RBFOX1: variants seen among roughly 807,000 people sequenced by gnomAD.
RBFOX1 encodes the protein RNA binding fox-1 homolog 1.
In RBFOX1, 8 loss-of-function variants were observed where a neutral mutation model predicts 57.7. The ratio of observed to expected loss-of-function variants is 0.14; its 90% CI spans 0.08 to 0.25. RBFOX1 has a LOEUF of 0.25. Among genes scored for constraint, RBFOX1 ranks in the 10% least tolerant of loss-of-function variants. The pLI is 1.00. For synonymous variants in RBFOX1, 326 were observed against 222.4 expected (o/e 1.47, Z -4.15); for missense variants, 611 against 548.5 (o/e 1.11, Z -1.14).
At chr16:7,195,507 T>G (rs1421901403) in intron 4 of RBFOX1, among the ~76,000 whole-genome samples, 1 of 152,172 alleles carries the variant, frequency 6.6e-6, no homozygotes, top group Non-Finnish European at 1.5e-5. Context: ...GAAAGACTGT[T>G]TGAGGACCTA....
chr16:5,643,022 C>T (rs1306165311), intron 3 of RBFOX1, among the ~76,000 whole-genome samples: 1 of 152,184 alleles, frequency 6.6e-6, no homozygotes, highest in Non-Finnish European at 1.5e-5. Context: ...TGCAGCAGGT[C>T]AGAAGTTTAT....
intron 3 of RBFOX1, among the ~76,000 whole-genome samples, chr16:6,721,185 A>G (rs1019246607): frequency 3.9e-5 from 6 of 152,168 alleles, no homozygotes; most frequent in Admixed American, 1.3e-4. Context: ...GCTCACTCCT[A>G]TAATCCCAGT....
At chr16:5,861,913 C>T (rs1263171860) in intron 3 of RBFOX1, among the ~76,000 whole-genome samples, 1 of 152,148 alleles carries the variant, frequency 6.6e-6, no homozygotes, top group Non-Finnish European at 1.5e-5. Flanking sequence ...CTTCTGGTTG[C>T]TGCCTGTGGG....
intron 1 of RBFOX1, among the ~76,000 whole-genome samples, chr16:6,079,450 C>G (rs578012026): frequency 3.9e-5 from 6 of 152,270 alleles, no homozygotes; most frequent in African/African-American, 1.4e-4. Context: ...TAGCTGGGAC[C>G]ACATGTGTGT....
intron 4 of RBFOX1, among the ~76,000 whole-genome samples, chr16:7,362,008 T>A (rs2097333095): frequency 6.6e-6 from 1 of 151,814 alleles, no homozygotes. Flanking sequence ...TGTGTATGAT[T>A]ATGTATATAT....
chr16:7,382,913 A>G (rs933913947), intron 4 of RBFOX1, among the ~76,000 whole-genome samples: 22 of 152,230 alleles, frequency 1.4e-4, no homozygotes, highest in African/African-American at 3.9e-4. Flanking sequence ...TTTAGTTTAG[A>G]TATTTGCCTT....
chr16:6,650,146 C>T (rs889756021), intron 2 of RBFOX1, among the ~76,000 whole-genome samples: 7 of 152,176 alleles, frequency 4.6e-5, no homozygotes, highest in Admixed American at 2.6e-4. Flanking sequence ...AGCCTCCACA[C>T]CGTTTTTTGT....
At chr16:5,769,118 G>C (rs1442744515) in intron 3 of RBFOX1, among the ~76,000 whole-genome samples, 1 of 152,112 alleles carries the variant, frequency 6.6e-6, no homozygotes, top group Non-Finnish European at 1.5e-5. Flanking sequence ...ATAGGATATG[G>C]AAGAGAGGTG....
At chr16:7,015,142 T>G (rs2093844687) in intron 3 of RBFOX1, among the ~76,000 whole-genome samples, 1 of 152,208 alleles carries the variant, frequency 6.6e-6, no homozygotes, top group Admixed American at 6.5e-5. Context: ...TGTTCTCTTT[T>G]TCCTTTCTTC....
At chr16:6,732,155 A>G (rs932015616) in intron 3 of RBFOX1, among the ~76,000 whole-genome samples, 3 of 152,046 alleles carry the variant, frequency 2.0e-5, no homozygotes, top group Admixed American at 6.6e-5. Flanking sequence ...TCCCCTATAC[A>G]TCTGATCCCT....
At chr16:5,737,702 G>T (rs1219507625) in intron 3 of RBFOX1, among the ~76,000 whole-genome samples, 2 of 151,966 alleles carry the variant, frequency 1.3e-5, no homozygotes, top group African/African-American at 4.8e-5. Context: ...CCCTTCTACA[G>T]AGCTCAAGAT....
At chr16:5,930,408 G>T (rs1479678242) in intron 4 of RBFOX1, among the ~76,000 whole-genome samples, 4 of 124,898 alleles carry the variant, frequency 3.2e-5, no homozygotes, top group Non-Finnish European at 6.7e-5. Flanking sequence ...TTGGGTAGGT[G>T]GGAGGGTGGA....
chr16:5,399,680 G>T (rs1326185683), intron 1 of RBFOX1, among the ~76,000 whole-genome samples: 1 of 151,706 alleles, frequency 6.6e-6, no homozygotes, highest in East Asian at 1.9e-4. Flanking sequence ...AGGCTGCAGT[G>T]ACCCATGCTT....
At chr16:7,169,247 A>G (rs778299065) in intron 4 of RBFOX1, among the ~76,000 whole-genome samples, 6 of 152,224 alleles carry the variant, frequency 3.9e-5, no homozygotes, top group East Asian at 1.9e-4. Context: ...TCATAATAAC[A>G]TATTATTATG....
intron 5 of RBFOX1, among the ~76,000 whole-genome samples, chr16:7,549,312 G>T (rs1183792470): frequency 1.3e-5 from 2 of 152,204 alleles, no homozygotes; most frequent in African/African-American, 4.8e-5. Flanking sequence ...TGTTTGAAAT[G>T]AGGTTATAAA....
intron 3 of RBFOX1, among the ~76,000 whole-genome samples, chr16:6,807,268 A>C (rs758520653): frequency 2.6e-5 from 4 of 152,052 alleles, no homozygotes; most frequent in Non-Finnish European, 5.9e-5. Flanking sequence ...GTATTGAGGG[A>C]GATGATGGGA....
At chr16:5,717,726 G>C (rs965755855) in intron 3 of RBFOX1, among the ~76,000 whole-genome samples, 1 of 152,206 alleles carries the variant, frequency 6.6e-6, no homozygotes, top group Non-Finnish European at 1.5e-5. Flanking sequence ...ATAATTGGGA[G>C]GGCTTCGGTA....
intron 2 of RBFOX1, among the ~76,000 whole-genome samples, chr16:6,423,172 G>T (rs1166107280): frequency 6.6e-6 from 1 of 152,202 alleles, no homozygotes; most frequent in African/African-American, 2.4e-5. Context: ...TGTCCAGTCT[G>T]TCAACACCCA....
intron 3 of RBFOX1, among the ~76,000 whole-genome samples, chr16:5,631,084 A>G (rs1315530909): frequency 6.6e-6 from 1 of 152,198 alleles, no homozygotes; most frequent in Non-Finnish European, 1.5e-5. Context: ...GACTGTTGGC[A>G]CTCAGAGGTG....
Sources: allele counts gnomAD v4.1 joint callset (sites outside exome capture counted in the v4.1 genomes callset), GRCh38; gene constraint gnomAD v4.1.1; transcripts MANE v1.5; gene names NCBI Gene and HGNC (gene_info 2026-07-23, HGNC 2026-07-21).